LHPP: variants seen among roughly 807,000 people sequenced by gnomAD.
The protein encoded by LHPP is phospholysine phosphohistidine inorganic pyrophosphate phosphatase.
In LHPP, 24 loss-of-function variants were observed where a neutral mutation model predicts 30.3. That is an observed-to-expected ratio of 0.79 (90% CI 0.57 to 1.11). LHPP has a LOEUF of 1.11. Among genes scored for constraint, LHPP ranks in the 50% most tolerant of loss-of-function variants. The pLI, the probability that LHPP is intolerant of heterozygous loss-of-function variation, is 0.00. For missense variants in LHPP, 356 were observed against 367.2 expected, an observed-to-expected ratio of 0.97 and a Z score of 0.25; for synonymous variants, 150 against 157.1, an observed-to-expected ratio of 0.95 and a Z score of 0.34.
chr10:124,548,858 C>T (rs1432940691), intron 6 of LHPP, among the ~76,000 whole-genome samples: 2 of 152,224 alleles, frequency 1.3e-5, no homozygotes, highest in Non-Finnish European at 2.9e-5. Context: ...CCGAGGCTAG[C>T]TCTTTCTGCT....
Position 124,471,556 on chromosome 10 carries a change from TTA to T in LHPP, c.125+9580_125+9581del, listed in dbSNP as rs1375465425. On this transcript the variant is annotated intron_variant, in intron 1 of 6. Coordinates refer to ENST00000368842, the MANE Select transcript of LHPP (RefSeq NM_022126.4). Reference sequence around the variant, plus strand: ...ATATTTATATATATTTTATATATATTTATATATATATAAATTTTTTTATATTT... The same window carrying T: ...ATATTTATATATATTTTATATATATTTATATATATAAATTTTTTTATATTT... Among the ~76,000 whole-genome samples the T allele has an allele frequency of 1.2e-3, 68 of 55,624 alleles. 10 individuals carry two copies. Among genetic ancestry groups the T allele is most frequent in the South Asian group, 5.0e-3 (10 of 2,004 alleles). 36.5% of individuals were successfully genotyped at this position (55,624 alleles called of 152,430 possible).
chr10:124,539,888 C>G (rs192964981), intron 6 of LHPP, among the ~76,000 whole-genome samples: 1 of 152,078 alleles, frequency 6.6e-6, no homozygotes, highest in Non-Finnish European at 1.5e-5. Context: ...GGCGACAGAG[C>G]GAGACCCTGT....
chr10:124,519,573 T>C (rs918394278), intron 6 of LHPP, among the ~76,000 whole-genome samples: 1 of 152,170 alleles, frequency 6.6e-6, no homozygotes, highest in Admixed American at 6.5e-5. Flanking sequence ...GTGTGTAGTC[T>C]TTTATTTCTC....
intron 3 of LHPP, among the ~76,000 whole-genome samples, chr10:124,494,435 G>A (rs939018905): frequency 3.3e-5 from 5 of 152,186 alleles, no homozygotes; most frequent in Non-Finnish European, 7.3e-5. Context: ...TTGTTGCTGG[G>A]TAAGCATTTC....
intron 6 of LHPP, among the ~76,000 whole-genome samples, chr10:124,586,937 A>G (rs185552692): frequency 6.6e-6 from 1 of 151,890 alleles, no homozygotes; most frequent in East Asian, 1.9e-4. Flanking sequence ...ATTTTTTTTT[A>G]ACTGAGATGA....
chr10:124,597,211 G>A (rs1396923627), intron 6 of LHPP, among the ~76,000 whole-genome samples: 3 of 152,228 alleles, frequency 2.0e-5, no homozygotes, highest in Admixed American at 6.5e-5. Flanking sequence ...CCCAGCTTGC[G>A]TACGGTCTGT....
intron 6 of LHPP, among the ~76,000 whole-genome samples, chr10:124,559,859 C>T (rs1052717701): frequency 1.3e-5 from 2 of 152,240 alleles, no homozygotes; most frequent in Non-Finnish European, 2.9e-5. Flanking sequence ...AGCCCATGGG[C>T]AGTAAGTTCC....
At chr10:124,493,442 G>T (rs1564786816) in intron 3 of LHPP, among the ~76,000 whole-genome samples, 2 of 152,206 alleles carry the variant, frequency 1.3e-5, no homozygotes, top group Non-Finnish European at 2.9e-5. Flanking sequence ...GCGGGTGGAG[G>T]CGCCGGGGCA....
At chr10:124,522,729 C>CCT (rs1045893147) in intron 6 of LHPP, among the ~76,000 whole-genome samples, 11 of 149,506 alleles carry the variant, frequency 7.4e-5, no homozygotes, top group Admixed American at 5.3e-4. Flanking sequence ...CCACGCCCCC[C>CCT]CCCAAGCACT....
chr10:124,490,240 C>G (rs1455335904), intron 3 of LHPP: 1 of 181,986 alleles, frequency 5.5e-6, no homozygotes, highest in Non-Finnish European at 1.1e-5. Context: ...GTGGGTCTTG[C>G]AGGTCGGTCA....
In LHPP at chr10:124,478,020, C is replaced by T. The variant is rs1030653457; in HGVS notation, c.126-6119C>T. 3.3e-5 allele frequency among the ~76,000 whole-genome samples: 5 copies of T among 152,142 alleles called. No homozygotes were observed. Among genetic ancestry groups the T allele is most frequent in the African/African-American group, 4.8e-5 (2 of 41,420 alleles). ...GTTGCTGAGGATGGGGCTGGTCCTGCGCCAGGGTGCCCCCAGGTGCTGATC... is the reference window on the plus strand; with the variant it reads ...GTTGCTGAGGATGGGGCTGGTCCTGTGCCAGGGTGCCCCCAGGTGCTGATC... On this transcript the variant is annotated intron_variant, in intron 1 of 6. Transcript: ENST00000368842. This position sits in a 1 kb window ranked among gnomAD's most constrained non-coding sequence, Gnocchi z 4.7.
intron 6 of LHPP, among the ~76,000 whole-genome samples, chr10:124,584,682 T>C (rs769647504): frequency 2.0e-5 from 3 of 152,210 alleles, no homozygotes; most frequent in Admixed American, 6.5e-5. Context: ...ACATGAATTC[T>C]GGGGGGACAT....
At chr10:124,613,093 G>A (rs1337516155) in intron 6 of LHPP, 171 bp from the exon 7 acceptor site, 2 of 645,062 alleles carry the variant, frequency 3.1e-6, no homozygotes, top group Non-Finnish European at 5.6e-6. Flanking sequence ...GTGTGCCTGA[G>A]TAGGGCAGGG....
Position 124,484,072 on chromosome 10 carries a change from G to A in LHPP, c.126-67G>A, listed in dbSNP as rs988988610. 81 of 1,494,782 alleles carry A rather than the reference G, an allele frequency of 5.4e-5. 1 individual carries two copies. Among genetic ancestry groups the A allele is most frequent in the South Asian group, 4.8e-4 (41 of 85,084 alleles). The allele number at this position is 1,494,782 out of a possible 1,614,324, so 92.6% of individuals were successfully genotyped here. Reference sequence around the variant, plus strand: ...CTGGATGCCCTTCGAGAATCACCGCGCAACCTCCTTCAGAGGCCCAACACT... The same window carrying A: ...CTGGATGCCCTTCGAGAATCACCGCACAACCTCCTTCAGAGGCCCAACACT... On this transcript the variant is annotated intron_variant, in intron 1 of 6. Transcript: ENST00000368842.
At position 124,517,426 on chromosome 10, in the gene LHPP, C is replaced by A; in HGVS notation, c.716+155C>A. The A allele has an allele frequency of 2.0e-6, 1 of 507,938 alleles. No individual in the cohort carries two copies. Among genetic ancestry groups the A allele is most frequent in the Non-Finnish European group, 3.4e-6 (1 of 290,686 alleles). 31.5% of individuals were successfully genotyped at this position (507,938 alleles called of 1,614,324 possible). On this transcript the variant is annotated intron_variant, in intron 6 of 6. Coordinates refer to ENST00000368842, the MANE Select transcript of LHPP (RefSeq NM_022126.4). This position sits in a 1 kb window ranked among gnomAD's most constrained non-coding sequence, Gnocchi z 4.1. ...CTTGTATGTAATGGACCTCTAAGAA[C>A]AGGGCTGAGTGGTCTTTTATAGCAG...
chr10:124,496,582 A>G lies in LHPP; in HGVS notation c.468-379A>G, dbSNP rs1953716315. ...TAGGGGTTCGCCACATACCCCGTGGACCTGCTGTTCCTTCCCAGGACACAG... is the reference window on the plus strand; with the variant it reads ...TAGGGGTTCGCCACATACCCCGTGGGCCTGCTGTTCCTTCCCAGGACACAG... On this transcript the variant is annotated intron_variant, in intron 3 of 6. Transcript: ENST00000368842. The surrounding 1 kb of genome is among the most constrained non-coding windows in gnomAD (Gnocchi z 4.3). Among the ~76,000 whole-genome samples the G allele has an allele frequency of 6.6e-6, 1 of 152,204 alleles. No homozygotes were observed. Among genetic ancestry groups the G allele is most frequent in the Non-Finnish European group, 1.5e-5 (1 of 68,036 alleles).
At chr10:124,598,555 C>T (rs183813607) in intron 6 of LHPP, among the ~76,000 whole-genome samples, 3 of 152,298 alleles carry the variant, frequency 2.0e-5, no homozygotes, top group Admixed American at 1.3e-4. Flanking sequence ...GCTCTCCAGA[C>T]AGTCAGGTCA....
At chr10:124,474,856 T>C (rs1952892848) in intron 1 of LHPP, among the ~76,000 whole-genome samples, 1 of 152,060 alleles carries the variant, frequency 6.6e-6, no homozygotes, top group African/African-American at 2.4e-5. Flanking sequence ...AAGGTGCCCC[T>C]GGGCGATACA....
In LHPP at chr10:124,537,593, C is replaced by T. The variant is rs534647470; in HGVS notation, c.716+20322C>T. Among the ~76,000 whole-genome samples, 13 of 152,308 alleles carry T rather than the reference C, an allele frequency of 8.5e-5. No individual in the cohort carries two copies. The South Asian group carries it at 1.4e-3, about 17-fold the overall frequency. On this transcript the variant is annotated intron_variant, in intron 6 of 6. Transcript: ENST00000368842. ...CCCCAGTCCCACAAGATGGTGTCTG[C>T]GGACCGTGCTCGTGAGAGATGGCAG...
Sources: allele counts gnomAD v4.1 joint callset (sites outside exome capture counted in the v4.1 genomes callset), GRCh38; gene constraint gnomAD v4.1.1; non-coding constraint Gnocchi (gnomAD v3.1); transcripts MANE v1.5; gene names NCBI Gene and HGNC (gene_info 2026-07-23, HGNC 2026-07-21).